Variants in XPC observed in about 807,000 individuals in gnomAD.
XPC encodes DNA repair protein complementing XP-C cells.
XPC carries 76 observed loss-of-function variants against 95.8 expected under a neutral mutation model. The observed-to-expected ratio is 0.79, with a 90% confidence interval of 0.66 to 0.96. The LOEUF is 0.96. XPC is among the 40% of genes least tolerant of loss of function. The pLI, the probability that XPC is intolerant of heterozygous loss-of-function variation, is 0.00. For missense variants in XPC, 1,146 were observed against 1,179.8 expected (o/e 0.97, Z 0.42); for synonymous variants, 442 against 442.1 (o/e 1.00, Z 0.00).
chr3:14,158,803 T>C lies in XPC; in HGVS notation c.1080A>G (p.Pro360=). The C allele has an allele frequency of 6.2e-7, 1 of 1,613,956 alleles. No individual in the cohort carries two copies. Among genetic ancestry groups the C allele is most frequent in the Non-Finnish European group, 8.5e-7 (1 of 1,179,872 alleles). ...SSQVLENHTK[P]KTSKGTKQEE... is the part of the protein sequence containing the mutation. The stretch of plus-strand genomic sequence containing the variant: ...CTTGTTTGGTTCCTTTGCTGGTCTT[T>C]GGTTTGGTGTGGTTTTCTAGAACTT... Residue 360 remains proline, a synonymous_variant, in exon 9 of 16, where the codon CCA becomes CCG. Transcript: ENST00000285021. This position sits in a 1 kb window ranked among gnomAD's most constrained non-coding sequence, Gnocchi z 5.2.
chr3:14,174,621 C>A (rs1051886810), intron 1 of XPC, among the ~76,000 whole-genome samples: 3 of 152,208 alleles, frequency 2.0e-5, no homozygotes, highest in Admixed American at 6.5e-5. Context: ...TAACAATAAT[C>A]TGAATGTCCA....
rs1301176775 is a variant in XPC, at chr3:14,156,434, G to C, written c.1934C>G (p.Pro645Arg). The change falls in exon 10 of 16, where the codon CCT (proline) becomes CGT (arginine). Residue 645 changes from proline (P) to arginine (R), a missense_variant. Physicochemically the swap from Pro to Arg is moderately radical, Grantham distance 103. Transcript: ENST00000285021. ...PTAIGLYKNH[P>R]LYALKRHLLK... ...GAGATGCCGCTTCAGGGCATACAGAGGGTGGTTCTTATATAAGCCAATGGC... is the reference window on the plus strand; with the variant it reads ...GAGATGCCGCTTCAGGGCATACAGACGGTGGTTCTTATATAAGCCAATGGC... The C allele has an allele frequency of 6.2e-7, 1 of 1,614,050 alleles. No homozygotes were observed. Among genetic ancestry groups the C allele is most frequent in the South Asian group, 1.1e-5 (1 of 91,074 alleles).
chr3:14,171,848 C>T (rs190754772), intron 2 of XPC, among the ~76,000 whole-genome samples: 9 of 150,812 alleles, frequency 6.0e-5, no homozygotes, highest in South Asian at 2.1e-4. Flanking sequence ...GGGGACGGGA[C>T]GGGGCGGGAC....
chr3:14,165,793 A>C (rs747512402), intron 5 of XPC: 5 of 534,848 alleles, frequency 9.3e-6, no homozygotes, highest in Non-Finnish European at 1.6e-5. Flanking sequence ...CCTTCAAAGG[A>C]ATCATCAAAC....
rs776660786 is a variant in XPC at position 14,158,044 on chromosome 3, T to C, written c.1839A>G (p.Pro613=). ...CTTCTTTCTTCTCCCTGTCCATAAA[T>C]GGGCTCTGGTATGGTCTCAAGGTCT... ...WAETLRPYQS[P]FMDREKKEDL... The change falls in exon 9 of 16, where the codon CCA becomes CCG. Residue 613 remains proline, a synonymous_variant. Coordinates refer to ENST00000285021, the MANE Select transcript of XPC (RefSeq NM_004628.5). The surrounding 1 kb of genome is among the most constrained non-coding windows in gnomAD (Gnocchi z 5.2). The C allele has an allele frequency of 5.6e-6, 9 of 1,603,264 alleles. No homozygotes were observed. The East Asian group carries it at 1.3e-4, about 24-fold the overall frequency.
In XPC at chr3:14,156,440, T is replaced by C. The variant is rs1259036717; in HGVS notation, c.1928A>G (p.Asn643Ser). Residue 643 changes from asparagine to serine, a missense_variant, in exon 10 of 16, where the codon AAC becomes AGC. Coordinates refer to ENST00000285021, the MANE Select transcript of XPC (RefSeq NM_004628.5). ...PLPTAIGLYKNHPLYALKRHL... is the reference protein window; with the variant it reads ...PLPTAIGLYKSHPLYALKRHL... ...CCGCTTCAGGGCATACAGAGGGTGG[T>C]TCTTATATAAGCCAATGGCAGTGGG... 2 of 1,613,978 alleles carry C rather than the reference T, an allele frequency of 1.2e-6. No individual in the cohort carries two copies. Among genetic ancestry groups the C allele is most frequent in the Non-Finnish European group, 1.7e-6 (2 of 1,179,874 alleles).
chr3:14,163,319 C>G (rs1420236290), intron 7 of XPC, among the ~76,000 whole-genome samples: 1 of 152,186 alleles, frequency 6.6e-6, no homozygotes, highest in Non-Finnish European at 1.5e-5. Flanking sequence ...ATTAACAACA[C>G]TCTTCACAAC....
At chr3:14,148,248 T>C (rs978464868) in intron 13 of XPC, 16 of 580,084 alleles carry the variant, frequency 2.8e-5, no homozygotes, top group South Asian at 6.7e-5. Flanking sequence ...TCACCCATCA[T>C]GGAACAGAGC....
At chr3:14,176,396 A>C (rs2125050177) in intron 1 of XPC, among the ~76,000 whole-genome samples, 1 of 152,342 alleles carries the variant, frequency 6.6e-6, no homozygotes, top group East Asian at 1.9e-4. Context: ...AAACTTGATT[A>C]ATCCTTTGGA....
chr3:14,146,953 G>A lies in XPC; in HGVS notation c.2604+337C>T, dbSNP rs55768862. On this transcript the variant is annotated intron_variant, in intron 15 of 15. Coordinates refer to ENST00000285021, the MANE Select transcript of XPC (RefSeq NM_004628.5). ...CCTGCAGCATGGTCACAGGCACTGG[G>A]AACACTGGAAGGCGGAAGGGTGCAC... Among the ~76,000 whole-genome samples, 185 of 152,340 alleles carry A rather than the reference G, an allele frequency of 1.2e-3. 1 individual carries two copies. The highest frequency in any genetic ancestry group is 3.8e-3 in the African/African-American group (160 of 41,576).
At position 14,146,382 on chromosome 3, in the gene XPC, T is replaced by C. The variant is rs1446579178; in HGVS notation, c.2605-223A>G. Among the ~76,000 whole-genome samples the C allele has an allele frequency of 7.9e-5, 12 of 151,960 alleles. No homozygotes were observed. The East Asian group carries it at 1.9e-3, about 25-fold the overall frequency. On this transcript the variant is annotated intron_variant, in intron 15 of 15. Transcript: ENST00000285021. ...ACTGGAGCACCTGCTACGAGCTGAG[T>C]GCAGGGGAACACAAGGATGATGGCT... is the stretch of plus-strand genomic sequence containing the variant.
intron 15 of XPC, 72 bp downstream of exon 15, chr3:14,147,218 C>T: frequency 6.7e-7 from 1 of 1,487,370 alleles, no homozygotes. Flanking sequence ...GAATCTGGGC[C>T]AGGCCTTTCT....
At chr3:14,175,547 G>T (rs1052849961) in intron 1 of XPC, among the ~76,000 whole-genome samples, 1 of 151,998 alleles carries the variant, frequency 6.6e-6, no homozygotes, top group Non-Finnish European at 1.5e-5. Context: ...CCTAGTACCT[G>T]GAACAGTGTG....
intron 14 of XPC, 168 bp downstream of exon 14, chr3:14,147,740 G>C (rs939657620): frequency 3.1e-5 from 20 of 640,034 alleles, no homozygotes; most frequent in Non-Finnish European, 3.8e-5. Flanking sequence ...TGCGGGGTGG[G>C]CAGGAGCCTG....
rs1330667099 is a variant in XPC, at chr3:14,168,369, GCTCA to G, written c.420_423del (p.Glu141LeufsTer6). The stretch of plus-strand genomic sequence containing the variant: ...CTTTCTCTCACGTCACCCAGCACAG[GCTCA>G]CTAAGTTCTATCAACAAGCATTTTT... On this transcript the variant is annotated frameshift_variant, in exon 4 of 16. Coordinates refer to ENST00000285021, the MANE Select transcript of XPC (RefSeq NM_004628.5). LOFTEE classifies it high-confidence loss of function. The G allele has an allele frequency of 5.0e-6, 8 of 1,613,700 alleles. No homozygotes were observed. The highest frequency in any genetic ancestry group is 2.7e-5 in the African/African-American group (2 of 75,006).
Position 14,159,906 on chromosome 3 carries a change from G to T in XPC, c.901-76C>A, listed in dbSNP as rs1333932955. On this transcript the variant is annotated intron_variant, in intron 7 of 15. Coordinates refer to ENST00000285021, the MANE Select transcript of XPC (RefSeq NM_004628.5). ...TAATGAGTTCAATGTTGTTTGTTAT[G>T]GTGCTTGTTCAAGACAGGGAAAAGC... 2.8e-6 allele frequency: 4 copies of T among 1,410,040 alleles called. No individual in the cohort carries two copies. In the Admixed American group the frequency reaches 7.9e-5, roughly 28 times the overall value. The allele number at this position is 1,410,040 out of a possible 1,614,324, so 87.3% of individuals were successfully genotyped here.
intron 5 of XPC, chr3:14,166,098 T>C (rs924391069): frequency 1.3e-5 from 2 of 156,640 alleles, no homozygotes; most frequent in Admixed American, 1.2e-4. Context: ...GCCCTTCCTC[T>C]GACCCCAAAA....
At chr3:14,172,768 C>T (rs569103075) in intron 2 of XPC, 99 bp downstream of exon 2, 2 of 1,341,724 alleles carry the variant, frequency 1.5e-6, no homozygotes, top group Non-Finnish European at 2.0e-6. Flanking sequence ...TCCAATCTTC[C>T]ATGGACCCCA....
At chr3:14,159,999 G>A in intron 7 of XPC, 169 bp from the exon 8 acceptor site, 1 of 573,362 alleles carries the variant, frequency 1.7e-6, no homozygotes, top group Non-Finnish European at 3.0e-6. Context: ...CGATGATGCA[G>A]AAGTTTATCT....
Sources: gnomAD v4.1 joint callset for allele counts (sites outside exome capture counted in the v4.1 genomes callset) on GRCh38, gnomAD v4.1.1 for gene constraint, Gnocchi (gnomAD v3.1) non-coding constraint, MANE v1.5 for transcripts, NCBI Gene and HGNC (gene_info 2026-07-23, HGNC 2026-07-21) for gene names.